Variants in CAPN3 observed in about 807,000 individuals in gnomAD.
CAPN3 encodes the protein calpain-3.
CAPN3 carries 88 observed loss-of-function variants against 114.0 expected under a neutral mutation model. That is an observed-to-expected ratio of 0.77 (90% CI 0.65 to 0.92). The LOEUF is 0.92. Ranked by LOEUF, CAPN3 falls within the 40% of genes least tolerant of loss-of-function variation. The probability of loss-of-function intolerance (pLI) is 0.00; values close to 1 mark genes in which losing one functional copy is unlikely to be tolerated. For synonymous variants in CAPN3, 386 were observed against 382.9 expected (o/e 1.01, Z -0.09); for missense variants, 1,028 against 1,069.0 (o/e 0.96, Z 0.53).
At position 42,359,760 on chromosome 15, in the gene CAPN3, G is replaced by A. The variant is rs775652900; in HGVS notation, c.-46G>A. The A allele has an allele frequency of 2.5e-6, 4 of 1,611,756 alleles. No individual in the cohort carries two copies. The highest frequency in any genetic ancestry group is 2.5e-6 in the Non-Finnish European group (3 of 1,179,900). ...TTGCTTCCTTTCCTTGAAGGTAGCT[G>A]TATCTTATTTTCTTTAAAAAGCTTT... On this transcript the variant is annotated 5_prime_UTR_variant, in exon 1 of 24. Transcript: ENST00000397163.
intron 15 of CAPN3, among the ~76,000 whole-genome samples, chr15:42,406,191 A>G (rs2054016068): frequency 6.6e-6 from 1 of 152,212 alleles, no homozygotes; most frequent in South Asian, 2.1e-4. Flanking sequence ...CAACAGCCCT[A>G]TGAGATTAGT....
chr15:42,405,817 G>T (rs1479762103), intron 14 of CAPN3, 109 bp from the exon 15 acceptor site: 8 of 822,550 alleles, frequency 9.7e-6, no homozygotes, highest in Admixed American at 1.9e-5. Flanking sequence ...GGACCCTGGA[G>T]CCCCACCCCA....
intron 6 of CAPN3, among the ~76,000 whole-genome samples, chr15:42,391,059 C>A (rs143481784): frequency 6.6e-6 from 1 of 152,082 alleles, no homozygotes; most frequent in Non-Finnish European, 1.5e-5. Flanking sequence ...TCCCAAAGTG[C>A]TGGGATTACA....
chr15:42,398,963 T>G (rs987118811), intron 9 of CAPN3, among the ~76,000 whole-genome samples: 3 of 151,936 alleles, frequency 2.0e-5, no homozygotes, highest in Admixed American at 6.6e-5. Context: ...TTTTGTATTT[T>G]CAGTAGAGAT....
intron 23 of CAPN3, 73 bp from the exon 24 acceptor site, chr15:42,411,674 T>A (rs2054244588): frequency 5.0e-6 from 3 of 598,568 alleles, no homozygotes; most frequent in Non-Finnish European, 8.3e-6. Context: ...TCTTGCCCCG[T>A]AAGATTCCTA....
At chr15:42,393,448 T>G (rs996868738) in intron 7 of CAPN3, among the ~76,000 whole-genome samples, 11 of 152,258 alleles carry the variant, frequency 7.2e-5, no homozygotes, top group African/African-American at 1.9e-4. Context: ...TTGTAAGACC[T>G]GTTGCACACA....
chr15:42,384,732 C>T (rs1478355835), intron 2 of CAPN3, among the ~76,000 whole-genome samples, 180 bp downstream of exon 2: 1 of 152,166 alleles, frequency 6.6e-6, no homozygotes, highest in African/African-American at 2.4e-5. Flanking sequence ...TCATTTCCTC[C>T]TACATGCCTC....
At chr15:42,402,384 C>T in intron 12 of CAPN3, 1 of 1,450,468 alleles carries the variant, frequency 6.9e-7, no homozygotes, top group South Asian at 1.4e-5. Context: ...TGCCTTTGCA[C>T]ACTCACCCTC....
chr15:42,409,793 G>A lies in CAPN3; in HGVS notation c.1999G>A (p.Glu667Lys). 1 of 1,580,750 alleles carries A rather than the reference G, an allele frequency of 6.3e-7. No individual in the cohort carries two copies. Among genetic ancestry groups the A allele is most frequent in the Non-Finnish European group, 8.6e-7 (1 of 1,159,738 alleles). The change falls in exon 18 of 24, where the codon GAG (glutamate) becomes AAG (lysine). Residue 667 changes from glutamate (E) to lysine (K), a missense_variant. Transcript: ENST00000397163. Reference protein sequence around the residue: ...IFKQIAGDDMEICADELKKVL... With the variant: ...IFKQIAGDDMKICADELKKVL... ...CCTCTCCCTTCCTCCTCAGGACATG[G>A]AGATCTGTGCAGATGAGCTCAAGAA...
chr15:42,404,067 T>C (rs2053951057), intron 14 of CAPN3: 1 of 553,834 alleles, frequency 1.8e-6, no homozygotes, highest in African/African-American at 1.9e-5. Flanking sequence ...CAGGAAGGGA[T>C]GACAAGAGCC....
chr15:42,408,362 G>A lies in CAPN3; in HGVS notation c.1914+38G>A, dbSNP rs767978063. The A allele has an allele frequency of 1.1e-5, 14 of 1,278,082 alleles. No homozygotes were observed. In the Admixed American group the frequency reaches 2.2e-4, roughly 20 times the overall value. The allele number at this position is 1,278,082 out of a possible 1,614,324, so 79.2% of individuals were successfully genotyped here. Reference sequence around the variant, plus strand: ...GTGGCATGGGTGGGGTGGCCAGCACGCTACAGGGGCTTCCTATGCGCTTGG... The same window carrying A: ...GTGGCATGGGTGGGGTGGCCAGCACACTACAGGGGCTTCCTATGCGCTTGG... On this transcript the variant is annotated intron_variant, in intron 16 of 23. Coordinates refer to ENST00000397163, the MANE Select transcript of CAPN3 (RefSeq NM_000070.3).
chr15:42,401,919 A>G, intron 11 of CAPN3, 109 bp downstream of exon 11: 1 of 1,358,292 alleles, frequency 7.4e-7, no homozygotes, highest in Non-Finnish European at 1.0e-6. Context: ...AGTGACCCAC[A>G]GAGCTCCTGG....
intron 16 of CAPN3, chr15:42,409,097 G>A (rs552953426): frequency 1.7e-5 from 10 of 601,572 alleles, no homozygotes; most frequent in Non-Finnish European, 3.0e-5. Context: ...TTTGGCTGGG[G>A]GCGTCAGGGC....
At chr15:42,389,173 G>A (rs1666779484) in intron 5 of CAPN3, 77 bp downstream of exon 5, 1 of 1,388,602 alleles carries the variant, frequency 7.2e-7, no homozygotes, top group South Asian at 1.2e-5. Context: ...GGGCAGCATA[G>A]AGCTTTTGTG....
In CAPN3 at chr15:42,392,710, G is replaced by A. The variant is rs141934227; in HGVS notation, c.1017G>A (p.Thr339=). Residue 339 remains threonine, a synonymous_variant, in exon 7 of 24, where the codon ACG becomes ACA. Coordinates refer to ENST00000397163, the MANE Select transcript of CAPN3 (RefSeq NM_000070.3). ...GLVRGHAYSV[T]GLDEVPFKGE... Reference sequence around the variant, plus strand: ...TCAGAGGTCACGCCTACTCTGTCACGGGGCTGGATGAGGTAAGCCTGGTGG... The same window carrying A: ...TCAGAGGTCACGCCTACTCTGTCACAGGGCTGGATGAGGTAAGCCTGGTGG... The A allele has an allele frequency of 3.4e-4, 543 of 1,613,690 alleles. 8 individuals are homozygous for A. The South Asian group carries it at 5.2e-3, about 15-fold the overall frequency.
intron 1 of CAPN3, among the ~76,000 whole-genome samples, chr15:42,362,203 C>T (rs1402575506): frequency 6.6e-6 from 1 of 152,138 alleles, no homozygotes; most frequent in Non-Finnish European, 1.5e-5. Flanking sequence ...CAATTGAGCT[C>T]AGGAGTTGGA....
chr15:42,373,301 C>G (rs28364379), intron 1 of CAPN3, among the ~76,000 whole-genome samples: 5,758 of 152,284 alleles, frequency 0.038, 306 homozygotes, highest in African/African-American at 0.12. Context: ...CTACCAAATC[C>G]TCAGGTCTGG....
At position 42,410,428 on chromosome 15, in the gene CAPN3, A is replaced by C; in HGVS notation, c.2116A>C (p.Thr706Pro). 6.2e-7 allele frequency: 1 copy of C among 1,614,062 alleles called. No individual in the cohort carries two copies. The highest frequency in any genetic ancestry group is 8.5e-7 in the Non-Finnish European group (1 of 1,179,982). ...TGTAGCCCTGACCTCCCTCCTCCAGACAGATGGCTCTGGAAAGCTCAACCT... is the reference window on the plus strand; with the variant it reads ...TGTAGCCCTGACCTCCCTCCTCCAGCCAGATGGCTCTGGAAAGCTCAACCT... ...SCRSMIALMD[T>P]DGSGKLNLQE... Residue 706 changes from threonine to proline, a missense_variant and splice_region_variant, in exon 20 of 24, where the codon ACA becomes CCA. Thr to Pro is a conservative substitution (Grantham distance 38). Coordinates refer to ENST00000397163, the MANE Select transcript of CAPN3 (RefSeq NM_000070.3).
rs2053376067 is a variant in CAPN3 at position 42,385,543 on chromosome 15, GAGAGAGAGAGAGAGAGAA to G, written c.380-617_380-600del. On this transcript the variant is annotated intron_variant, in intron 2 of 23. Coordinates refer to ENST00000397163, the MANE Select transcript of CAPN3 (RefSeq NM_000070.3). ...ATATATACACACACAGAGAGAGAGA[GAGAGAGAGAGAGAGAGAA>G]AGAGAGCAAAGTGTTACCTCCAACT... 1.6e-5 allele frequency: 6 copies of G among 364,538 alleles called. No homozygotes were observed. The Admixed American group carries it at 2.0e-4, about 12-fold the overall frequency. 22.6% of individuals were successfully genotyped at this position (364,538 alleles called of 1,614,324 possible).
Sources: gnomAD v4.1 joint callset for allele counts (sites outside exome capture counted in the v4.1 genomes callset) on GRCh38, gnomAD v4.1.1 for gene constraint, MANE v1.5 for transcripts, NCBI Gene and HGNC (gene_info 2026-07-23, HGNC 2026-07-21) for gene names.